Variants in SYT16 observed in about 807,000 individuals in gnomAD.
SYT16 encodes the protein synaptotagmin-16.
Under a neutral mutation model 61.4 loss-of-function variants are expected in SYT16, and 42 were observed. That is an observed-to-expected ratio of 0.68 (90% CI 0.53 to 0.89). The LOEUF is 0.89. SYT16 is among the 40% of genes least tolerant of loss of function. SYT16 has a pLI of 0.00. For missense variants in SYT16, 804 were observed against 807.3 expected, an observed-to-expected ratio of 1.00 and a Z score of 0.05; for synonymous variants, 314 against 302.3, an observed-to-expected ratio of 1.04 and a Z score of -0.40.
At chr14:61,880,011 C>G (rs1412796421) in intron 1 of SYT16, among the ~76,000 whole-genome samples, 1 of 152,188 alleles carries the variant, frequency 6.6e-6, no homozygotes, top group East Asian at 1.9e-4. Context: ...GGCCACATGC[C>G]TATCATCGAA....
intron 1 of SYT16, among the ~76,000 whole-genome samples, chr14:61,889,553 A>G (rs1439235335): frequency 6.6e-6 from 1 of 151,976 alleles, no homozygotes; most frequent in Admixed American, 6.5e-5. Flanking sequence ...TGTTTGTTAA[A>G]AAGATCCTGG....
chr14:61,896,724 A>G (rs536459268), intron 1 of SYT16, among the ~76,000 whole-genome samples: 17 of 152,226 alleles, frequency 1.1e-4, no homozygotes, highest in South Asian at 6.2e-4. Flanking sequence ...AAATGAATAT[A>G]TAATAGTGTT....
At chr14:62,055,157 A>T (rs534082141) in intron 3 of SYT16, among the ~76,000 whole-genome samples, 9 of 152,372 alleles carry the variant, frequency 5.9e-5, no homozygotes, top group African/African-American at 2.2e-4. Context: ...AAATTTAATT[A>T]TCAGGTCACC....
intron 7 of SYT16, among the ~76,000 whole-genome samples, chr14:62,099,714 C>T (rs1039927140): frequency 1.1e-4 from 17 of 152,002 alleles, no homozygotes; most frequent in African/African-American, 3.6e-4. Context: ...CCTATTTCTA[C>T]AAAAAGTTAA....
At chr14:62,044,599 G>T (rs1167039649) in intron 3 of SYT16, among the ~76,000 whole-genome samples, 1 of 152,096 alleles carries the variant, frequency 6.6e-6, no homozygotes, top group Non-Finnish European at 1.5e-5. Context: ...ATGGTTTCTA[G>T]CTTCATCCAT....
At chr14:62,058,085 C>T (rs1004873288) in intron 3 of SYT16, among the ~76,000 whole-genome samples, 9 of 152,012 alleles carry the variant, frequency 5.9e-5, no homozygotes, top group African/African-American at 2.2e-4. Context: ...GAGATTCATT[C>T]GTGTTGTTGC....
intron 1 of SYT16, among the ~76,000 whole-genome samples, chr14:61,944,092 GACAA>G (rs777877896): frequency 3.4e-4 from 51 of 152,214 alleles, no homozygotes; most frequent in African/African-American, 1.1e-3. Flanking sequence ...ACCAATAATA[GACAA>G]ACAGAGAGCC....
intron 3 of SYT16, among the ~76,000 whole-genome samples, chr14:62,054,824 A>G (rs571652113): frequency 6.6e-6 from 1 of 152,358 alleles, no homozygotes; most frequent in South Asian, 2.1e-4. Context: ...AACTTTAGAA[A>G]TTGCCTTGAG....
chr14:62,042,871 C>A (rs997613358), intron 3 of SYT16, among the ~76,000 whole-genome samples: 1 of 152,138 alleles, frequency 6.6e-6, no homozygotes, highest in Non-Finnish European at 1.5e-5. Context: ...CTCTAGGGAG[C>A]CAGCTTGGAC....
At chr14:62,029,456 G>C (rs1004115471) in intron 3 of SYT16, among the ~76,000 whole-genome samples, 1 of 152,186 alleles carries the variant, frequency 6.6e-6, no homozygotes, top group Non-Finnish European at 1.5e-5. Flanking sequence ...GGTGCCCACT[G>C]GTGGTTTTCT....
chr14:62,052,247 C>T (rs1444368567), intron 3 of SYT16, among the ~76,000 whole-genome samples: 2 of 152,060 alleles, frequency 1.3e-5, no homozygotes, highest in African/African-American at 4.8e-5. Context: ...AACTATACCC[C>T]ACAAATGTAT....
chr14:61,957,556 G>C (rs2050928239), intron 1 of SYT16, among the ~76,000 whole-genome samples: 1 of 151,936 alleles, frequency 6.6e-6, no homozygotes, highest in Admixed American at 6.6e-5. Flanking sequence ...CATCTATTGA[G>C]ATGATTATGT....
intron 7 of SYT16, among the ~76,000 whole-genome samples, chr14:62,090,875 A>G (rs189543711): frequency 2.0e-5 from 3 of 152,308 alleles, no homozygotes; most frequent in East Asian, 1.9e-4. Context: ...CATGTCTTAC[A>G]TGGTGGCATA....
intron 1 of SYT16, among the ~76,000 whole-genome samples, chr14:61,894,612 C>G (rs868698075): frequency 3.3e-5 from 5 of 152,096 alleles, no homozygotes; most frequent in South Asian, 2.1e-4. Context: ...GATGGCTGGG[C>G]ACCCTCATTT....
At chr14:61,912,080 G>C (rs976948198) in intron 1 of SYT16, among the ~76,000 whole-genome samples, 6 of 152,130 alleles carry the variant, frequency 3.9e-5, no homozygotes, top group Non-Finnish European at 8.8e-5. Flanking sequence ...GATGATTATG[G>C]GAGTGATGTG....
chr14:62,089,168 A>C (rs1449787894), intron 7 of SYT16, among the ~76,000 whole-genome samples: 1 of 152,008 alleles, frequency 6.6e-6, no homozygotes, highest in East Asian at 1.9e-4. Context: ...AAATACAAAA[A>C]ATTAGCCAGG....
chr14:61,817,981 AT>A (rs761714555), intron 1 of SYT16, among the ~76,000 whole-genome samples: 107 of 152,324 alleles, frequency 7.0e-4, no homozygotes, highest in Middle Eastern at 3.4e-3. Context: ...TTTTCTGCGA[AT>A]TTGGGGGAGG....
intron 1 of SYT16, among the ~76,000 whole-genome samples, chr14:61,844,587 C>T (rs991162784): frequency 3.9e-5 from 6 of 151,960 alleles, no homozygotes; most frequent in African/African-American, 9.7e-5. Flanking sequence ...GAGTTTTTAT[C>T]ATGAAGGGAT....
chr14:62,080,003 C>T (rs557625205), intron 5 of SYT16, among the ~76,000 whole-genome samples: 1 of 152,292 alleles, frequency 6.6e-6, no homozygotes, highest in African/African-American at 2.4e-5. Flanking sequence ...AACACACCAG[C>T]AAGTAGGCAC....
Sources: gnomAD v4.1 joint callset for allele counts (sites outside exome capture counted in the v4.1 genomes callset) on GRCh38, gnomAD v4.1.1 for gene constraint, MANE v1.5 for transcripts, NCBI Gene and HGNC (gene_info 2026-07-23, HGNC 2026-07-21) for gene names.